The following NUGGC variants were observed in gnomAD, a reference collection of about 807,000 sequenced individuals.
NUGGC encodes the protein nuclear GTPase, germinal center associated.
In NUGGC, 58 loss-of-function variants were observed where a neutral mutation model predicts 92.6. The observed-to-expected ratio is 0.63, with a 90% CI of 0.51 to 0.78. NUGGC has a LOEUF of 0.78. Ranked by LOEUF, NUGGC falls within the 30% of genes least tolerant of loss-of-function variation. NUGGC has a pLI of 0.00. For synonymous variants in NUGGC, 376 were observed against 366.4 expected (o/e 1.03, Z -0.30); for missense variants, 925 against 964.6 (o/e 0.96, Z 0.54).
At chr8:28,031,825 C>T (rs775182520) in intron 14 of NUGGC, among the ~76,000 whole-genome samples, 17 of 152,224 alleles carry the variant, frequency 1.1e-4, no homozygotes, top group Admixed American at 3.3e-4. Flanking sequence ...TAAGCACAGT[C>T]GTTTCAGAAT....
chr8:28,027,889 G>A (rs562164937), intron 17 of NUGGC, among the ~76,000 whole-genome samples: 97 of 152,266 alleles, frequency 6.4e-4, no homozygotes, highest in African/African-American at 2.3e-3. Flanking sequence ...CAATATATCA[G>A]AGACTAATCT....
At chr8:28,063,571 A>G (rs774431145) in intron 7 of NUGGC, among the ~76,000 whole-genome samples, 11 of 151,952 alleles carry the variant, frequency 7.2e-5, no homozygotes, top group Non-Finnish European at 1.6e-4. Flanking sequence ...GCCCTGGGGG[A>G]GGTGGGGTAG....
intron 7 of NUGGC, among the ~76,000 whole-genome samples, chr8:28,061,303 A>G (rs1456535729): frequency 6.6e-6 from 1 of 152,242 alleles, no homozygotes; most frequent in African/African-American, 2.4e-5. Flanking sequence ...ACATGAAACA[A>G]CATAATGGCA....
intron 1 of NUGGC, among the ~76,000 whole-genome samples, chr8:28,081,951 G>C (rs1467432446): frequency 6.6e-6 from 1 of 151,988 alleles, no homozygotes; most frequent in Non-Finnish European, 1.5e-5. Flanking sequence ...AATGAAAGAA[G>C]GAAGAGGAGG....
chr8:28,035,576 C>A (rs1454571254), intron 13 of NUGGC, among the ~76,000 whole-genome samples: 1 of 152,180 alleles, frequency 6.6e-6, no homozygotes, highest in Non-Finnish European at 1.5e-5. Flanking sequence ...ACAAAGGCGT[C>A]CCCCTGAGAA....
chr8:28,039,478 C>A (rs1237072089), intron 13 of NUGGC, among the ~76,000 whole-genome samples: 1 of 152,182 alleles, frequency 6.6e-6, no homozygotes, highest in Non-Finnish European at 1.5e-5. Context: ...GTGATCCATC[C>A]ACCTCAGCCT....
At chr8:28,040,580 A>G (rs1809667610) in intron 13 of NUGGC, among the ~76,000 whole-genome samples, 1 of 151,474 alleles carries the variant, frequency 6.6e-6, no homozygotes, top group South Asian at 2.1e-4. Flanking sequence ...ACAGATGAAC[A>G]ACTGTTATGT....
chr8:28,067,806 G>A, intron 5 of NUGGC, 62 bp from the exon 6 acceptor site: 1 of 1,341,018 alleles, frequency 7.5e-7, no homozygotes, highest in Non-Finnish European at 1.1e-6. Flanking sequence ...CCGACAAACA[G>A]AGGGGCCCAT....
chr8:28,076,402 G>C (rs930789605), intron 1 of NUGGC, among the ~76,000 whole-genome samples: 2 of 152,152 alleles, frequency 1.3e-5, no homozygotes, highest in Non-Finnish European at 2.9e-5. Flanking sequence ...GGGTTCAAGC[G>C]ATTTTCCTGC....
At chr8:28,028,651 A>G (rs549954651) in intron 17 of NUGGC, among the ~76,000 whole-genome samples, 52 of 152,306 alleles carry the variant, frequency 3.4e-4, no homozygotes, top group African/African-American at 1.3e-3. Flanking sequence ...TGAGGCCCAG[A>G]GCAGAGGCAA....
intron 7 of NUGGC, among the ~76,000 whole-genome samples, chr8:28,063,104 G>T (rs902681767): frequency 6.6e-6 from 1 of 152,154 alleles, no homozygotes; most frequent in Non-Finnish European, 1.5e-5. Context: ...ACGGGTTTTA[G>T]GGAAGGCAAG....
Position 28,074,438 on chromosome 8 carries a change from T to C in NUGGC, c.-28A>G, listed in dbSNP as rs186479338. On this transcript the variant is annotated 5_prime_UTR_variant, in exon 2 of 19. Coordinates refer to ENST00000413272, the MANE Select transcript of NUGGC (RefSeq NM_001010906.2). The stretch of plus-strand genomic sequence containing the variant: ...CTTGTTACGTGAACTCCTGCTCTTC[T>C]CAGTTCAGGAGAACCAGCCTGTGAA... 6.2e-7 allele frequency: 1 copy of C among 1,612,746 alleles called. No homozygotes were observed. The highest frequency in any genetic ancestry group is 2.2e-5 in the East Asian group (1 of 44,870).
Position 28,082,627 on chromosome 8 carries a change from G to A in NUGGC, c.-47+1148C>T, listed in dbSNP as rs759114174. ...CTTAAAATTCACTTAAACAGCCTGA[G>A]CATGGTGGCTCATGCCTGTAATCCC... On this transcript the variant is annotated intron_variant, in intron 1 of 18. Coordinates refer to ENST00000413272, the MANE Select transcript of NUGGC (RefSeq NM_001010906.2). Among the ~76,000 whole-genome samples, 8 of 152,214 alleles carry A rather than the reference G, an allele frequency of 5.3e-5. 1 individual carries two copies. The highest frequency in any genetic ancestry group is 8.8e-5 in the Non-Finnish European group (6 of 68,052).
At position 28,069,990 on chromosome 8, in the gene NUGGC, G is replaced by A. The variant is rs117529638; in HGVS notation, c.148+262C>T. The A allele has an allele frequency of 6.5e-4, 340 of 525,076 alleles. 5 individuals carry two copies. In the East Asian group the frequency reaches 0.032, roughly 50 times the overall value. 32.5% of individuals were successfully genotyped at this position (525,076 alleles called of 1,614,324 possible). On this transcript the variant is annotated intron_variant, in intron 3 of 18. Coordinates refer to ENST00000413272, the MANE Select transcript of NUGGC (RefSeq NM_001010906.2). ...GCAAGGACACCATGCTGACACCCAC[G>A]GAAGCACCAACCTCATCATTTTCAC... is the stretch of plus-strand genomic sequence containing the variant.
chr8:28,070,290 C>T lies in NUGGC; in HGVS notation c.110G>A (p.Arg37Gln), dbSNP rs778818898. Residue 37 changes from arginine to glutamine, a missense_variant, in exon 3 of 19, where the codon CGA becomes CAA. Transcript: ENST00000413272. The part of the protein sequence containing the change: ...RRKSDRDQRF[R>Q]AFPSMEQSAL... ...ACTCTGCTCCATGGAGGGAAATGCTCGGAACCGCTGGTCTCGATCTGATTT... is the reference window on the plus strand; with the variant it reads ...ACTCTGCTCCATGGAGGGAAATGCTTGGAACCGCTGGTCTCGATCTGATTT... 9 of 1,554,830 alleles carry T rather than the reference C, an allele frequency of 5.8e-6. No individual in the cohort carries two copies. The highest frequency in any genetic ancestry group is 4.8e-5 in the East Asian group (2 of 41,590).
At chr8:28,052,966 T>G (rs538621557) in intron 10 of NUGGC, among the ~76,000 whole-genome samples, 2 of 152,222 alleles carry the variant, frequency 1.3e-5, no homozygotes, top group South Asian at 2.1e-4. Flanking sequence ...CCAGATTTTT[T>G]TGCAAAGCAA....
At chr8:28,075,941 T>G (rs1263528508) in intron 1 of NUGGC, among the ~76,000 whole-genome samples, 1 of 152,192 alleles carries the variant, frequency 6.6e-6, no homozygotes, top group Non-Finnish European at 1.5e-5. Context: ...GCTGAGCATT[T>G]TAGCACATGT....
At position 28,044,824 on chromosome 8, in the gene NUGGC, T is replaced by C. The variant is rs573051490; in HGVS notation, c.1446+703A>G. Among the ~76,000 whole-genome samples the C allele has an allele frequency of 1.1e-4, 17 of 152,358 alleles. No homozygotes were observed. In the South Asian group the frequency reaches 3.5e-3, roughly 32 times the overall value. On this transcript the variant is annotated intron_variant, in intron 12 of 18. Coordinates refer to ENST00000413272, the MANE Select transcript of NUGGC (RefSeq NM_001010906.2). ...ACACGGTCCAGCAATTGTCTTTGCA[T>C]ATTCTATCTCTCATAAGGAGACAAC... is the stretch of plus-strand genomic sequence containing the variant.
intron 10 of NUGGC, among the ~76,000 whole-genome samples, chr8:28,053,054 GT>G (rs1320317964): frequency 2.0e-5 from 3 of 151,880 alleles, no homozygotes; most frequent in Non-Finnish European, 4.4e-5. Flanking sequence ...TGATACTGAG[GT>G]GTATGCAAAG....
Sources: allele counts gnomAD v4.1 joint callset (sites outside exome capture counted in the v4.1 genomes callset), GRCh38; gene constraint gnomAD v4.1.1; transcripts MANE v1.5; gene names NCBI Gene and HGNC (gene_info 2026-07-23, HGNC 2026-07-21).